The following PAQR8 variants were observed in gnomAD, a reference collection of about 807,000 sequenced individuals.
The protein encoded by PAQR8 is progestin and adipoQ receptor family member 8, also known as membrane progestin receptor beta.
A neutral mutation model predicts 25.2 loss-of-function variants in PAQR8; 17 were observed. The observed-to-expected ratio is 0.67, with a 90% CI of 0.46 to 1.01. PAQR8 has a LOEUF of 1.01. PAQR8 is among the 50% of genes least tolerant of loss of function. The pLI is 0.00. For missense variants in PAQR8, 392 were observed against 448.4 expected (o/e 0.87, Z 1.14); for synonymous variants, 204 against 190.6 (o/e 1.07, Z -0.58).
Position 52,404,145 on chromosome 6 carries a change from TC to T in PAQR8, c.934del (p.Leu312CysfsTer30). 1 of 1,614,202 alleles carries T rather than the reference TC, an allele frequency of 6.2e-7. No homozygotes were observed. Among genetic ancestry groups the T allele is most frequent in the Non-Finnish European group, 8.5e-7 (1 of 1,180,028 alleles). Reference protein sequence around the residue: ...LLDYQGRQEIFLQRHGPLSVH... With the variant: ...LLDYQGRQEIXLQRHGPLSVH... Reference sequence around the variant, plus strand: ...GACTACCAGGGGCGGCAGGAGATCTTCCTGCAGCGCCATGGACCCCTATCTG... The same window carrying T: ...GACTACCAGGGGCGGCAGGAGATCTTCTGCAGCGCCATGGACCCCTATCTG... On this transcript the variant is annotated frameshift_variant, in exon 2 of 2. Coordinates refer to ENST00000442253, the MANE Select transcript of PAQR8 (RefSeq NM_133367.5). LOFTEE classifies it high-confidence loss of function.
intron 1 of PAQR8, among the ~76,000 whole-genome samples, chr6:52,396,962 G>T (rs1174558022): frequency 6.6e-6 from 1 of 152,154 alleles, no homozygotes; most frequent in East Asian, 1.9e-4. Flanking sequence ...GAAGCTAAGG[G>T]CCTGGGAGAA....
At position 52,395,272 on chromosome 6, in the gene PAQR8, C is replaced by CAAAA. The variant is rs34239055; in HGVS notation, c.-52-7872_-52-7869dup. On this transcript the variant is annotated intron_variant, in intron 1 of 1. Coordinates refer to ENST00000442253, the MANE Select transcript of PAQR8 (RefSeq NM_133367.5). ...TGGGCGACACAGCGAGACTTCGTCT[C>CAAAA]AAAAAAAAAAAAAAAAAAAAAGATT... 1.6e-3 allele frequency among the ~76,000 whole-genome samples: 152 copies of CAAAA among 93,216 alleles called. 4 individuals are homozygous for CAAAA. The highest frequency in any genetic ancestry group is 2.4e-3 in the Non-Finnish European group (111 of 46,448). The allele number at this position is 93,216 out of a possible 152,430, so 61.2% of individuals were successfully genotyped here. A position where few individuals can be genotyped will look rare whatever the true frequency, so the allele number is the denominator to read the frequency against.
chr6:52,403,480 C>T lies in PAQR8; in HGVS notation c.267C>T (p.Val89=), dbSNP rs780811547. The T allele has an allele frequency of 5.6e-6, 9 of 1,614,172 alleles. No individual in the cohort carries two copies. The highest frequency in any genetic ancestry group is 5.1e-6 in the Non-Finnish European group (6 of 1,180,042). ...VWTHLLAALA[V]LLRFWAFAEA... ...CCCATTTACTGGCAGCCCTGGCCGTCCTCTTGCGATTCTGGGCCTTTGCCG... is the reference window on the plus strand; with the variant it reads ...CCCATTTACTGGCAGCCCTGGCCGTTCTCTTGCGATTCTGGGCCTTTGCCG... Residue 89 remains valine, a synonymous_variant, in exon 2 of 2, where the codon GTC becomes GTT. Coordinates refer to ENST00000442253, the MANE Select transcript of PAQR8 (RefSeq NM_133367.5).
chr6:52,393,398 TAACC>T (rs1763733016), intron 1 of PAQR8, among the ~76,000 whole-genome samples: 1 of 139,918 alleles, frequency 7.1e-6, no homozygotes, highest in Non-Finnish European at 1.5e-5. Context: ...TGCAGTGGCA[TAACC>T]ATGGCTCACT....
At chr6:52,370,581 CAG>C (rs1455830658) in intron 1 of PAQR8, among the ~76,000 whole-genome samples, 3 of 152,008 alleles carry the variant, frequency 2.0e-5, no homozygotes, top group Admixed American at 2.0e-4. Flanking sequence ...CAGTGTGAGA[CAG>C]GGTAAAGTCA....
At chr6:52,366,649 T>C (rs1432588074) in intron 1 of PAQR8, among the ~76,000 whole-genome samples, 1 of 152,192 alleles carries the variant, frequency 6.6e-6, no homozygotes, top group African/African-American at 2.4e-5. Context: ...TACGAAACTT[T>C]CCTGGAATGT....
At chr6:52,390,043 T>A (rs716969) in intron 1 of PAQR8, among the ~76,000 whole-genome samples, 27,225 of 152,132 alleles carry the variant, frequency 0.18, 2,662 homozygotes, top group Non-Finnish European at 0.22. Flanking sequence ...ACAGCAAAGT[T>A]TACCTTTACT....
In PAQR8 at chr6:52,404,174, C is replaced by T; in HGVS notation, c.961C>T (p.His321Tyr). 1.2e-6 allele frequency: 2 copies of T among 1,614,096 alleles called. No homozygotes were observed. Among genetic ancestry groups the T allele is most frequent in the Non-Finnish European group, 1.7e-6 (2 of 1,180,000 alleles). ...GCAGCGCCATGGACCCCTATCTGTC[C>T]ACATGGCCTGCCTCTCCTTCTTCTT... ...FLQRHGPLSV[H>Y]MACLSFFFLA... The change falls in exon 2 of 2, where the codon CAC (histidine) becomes TAC (tyrosine). Residue 321 changes from histidine to tyrosine, a missense_variant. By Grantham distance (83) the His-to-Tyr change is moderately conservative (BLOSUM62 2). Coordinates refer to ENST00000442253, the MANE Select transcript of PAQR8 (RefSeq NM_133367.5).
At position 52,407,697 on chromosome 6, in the gene PAQR8, AAAAAAAAAAAAAAT is replaced by A. The variant is rs1763928804; in HGVS notation, c.*3420_*3433del. 1 of 160,782 alleles carries A rather than the reference AAAAAAAAAAAAAAT, an allele frequency of 6.2e-6. No individual in the cohort carries two copies. Among genetic ancestry groups the A allele is most frequent in the Admixed American group, 6.6e-5 (1 of 15,168 alleles). 10.0% of individuals were successfully genotyped at this position (160,782 alleles called of 1,614,324 possible). On this transcript the variant is annotated 3_prime_UTR_variant, in exon 2 of 2. Coordinates refer to ENST00000442253, the MANE Select transcript of PAQR8 (RefSeq NM_133367.5). ...GCTTGGCAAAAAAAAAAAAAAAAAAAAAAAAAAAAAAAATGGAGCTATTTTCTGTCTATATAAAT... is the reference window on the plus strand; with the variant it reads ...GCTTGGCAAAAAAAAAAAAAAAAAAAGGAGCTATTTTCTGTCTATATAAAT...
chr6:52,366,177 T>C (rs1763349652), intron 1 of PAQR8, among the ~76,000 whole-genome samples: 1 of 152,076 alleles, frequency 6.6e-6, no homozygotes, highest in African/African-American at 2.4e-5. Flanking sequence ...TATATATATA[T>C]GTACATATAT....
intron 1 of PAQR8, among the ~76,000 whole-genome samples, chr6:52,386,570 C>G (rs1170278882): frequency 1.3e-5 from 2 of 152,092 alleles, no homozygotes; most frequent in African/African-American, 4.8e-5. Flanking sequence ...AATGCAGAAA[C>G]AGAAAACCAA....
At chr6:52,367,526 A>G (rs1358234190) in intron 1 of PAQR8, among the ~76,000 whole-genome samples, 2 of 152,248 alleles carry the variant, frequency 1.3e-5, no homozygotes, top group African/African-American at 4.8e-5. Context: ...TTAAACAGAC[A>G]CAGCTTTTGT....
At chr6:52,371,784 CT>C (rs1228931600) in intron 1 of PAQR8, among the ~76,000 whole-genome samples, 1 of 152,164 alleles carries the variant, frequency 6.6e-6, no homozygotes, top group Non-Finnish European at 1.5e-5. Flanking sequence ...CCTTTGGTCC[CT>C]GCAACAACCT....
chr6:52,393,430 G>A (rs1763733429), intron 1 of PAQR8, among the ~76,000 whole-genome samples: 1 of 146,416 alleles, frequency 6.8e-6, no homozygotes, highest in South Asian at 2.1e-4. Context: ...CAATCTCCTG[G>A]GCTCAAGTGA....
At chr6:52,383,193 C>T (rs1404839667) in intron 1 of PAQR8, among the ~76,000 whole-genome samples, 3 of 152,206 alleles carry the variant, frequency 2.0e-5, no homozygotes, top group Non-Finnish European at 4.4e-5. Flanking sequence ...GTAGACATCA[C>T]GTTAACGTGA....
At position 52,403,743 on chromosome 6, in the gene PAQR8, T is replaced by C; in HGVS notation, c.530T>C (p.Leu177Pro). 2 of 1,614,246 alleles carry C rather than the reference T, an allele frequency of 1.2e-6. No individual in the cohort carries two copies. The highest frequency in any genetic ancestry group is 1.7e-6 in the Non-Finnish European group (2 of 1,180,042). ...SDQAWYDRFWLFFLPAAAFCG... is the reference protein window; with the variant it reads ...SDQAWYDRFWPFFLPAAAFCG... ...CAGGCCTGGTATGACCGGTTCTGGC[T>C]TTTCTTCTTGCCAGCAGCTGCCTTC... is the stretch of plus-strand genomic sequence containing the variant. The change falls in exon 2 of 2, where the codon CTT becomes CCT. Residue 177 changes from leucine to proline, a missense_variant. By Grantham distance (98) the Leu-to-Pro change is moderately conservative. Coordinates refer to ENST00000442253, the MANE Select transcript of PAQR8 (RefSeq NM_133367.5).
At chr6:52,391,655 T>A (rs191584697) in intron 1 of PAQR8, among the ~76,000 whole-genome samples, 1 of 152,360 alleles carries the variant, frequency 6.6e-6, no homozygotes, top group Admixed American at 6.5e-5. Flanking sequence ...TGTTTCCAAC[T>A]CCACCTCTGG....
intron 1 of PAQR8, among the ~76,000 whole-genome samples, chr6:52,369,523 G>A (rs1437133923): frequency 6.6e-6 from 1 of 152,164 alleles, no homozygotes; most frequent in Non-Finnish European, 1.5e-5. Flanking sequence ...GACTCCAAGA[G>A]AATACCAAAA....
At chr6:52,401,745 TAGTC>T (rs1763832676) in intron 1 of PAQR8, among the ~76,000 whole-genome samples, 1 of 152,208 alleles carries the variant, frequency 6.6e-6, no homozygotes, top group African/African-American at 2.4e-5. Context: ...ATATGAGGCT[TAGTC>T]AGTTGCTCAC....
Sources: allele counts gnomAD v4.1 joint callset (sites outside exome capture counted in the v4.1 genomes callset), GRCh38; gene constraint gnomAD v4.1.1; transcripts MANE v1.5; gene names NCBI Gene and HGNC (gene_info 2026-07-23, HGNC 2026-07-21).